DPP10: variants seen among roughly 807,000 people sequenced by gnomAD.
DPP10 encodes inactive dipeptidyl peptidase 10.
In DPP10, 33 loss-of-function variants were observed where a neutral mutation model predicts 120.9. That is an observed-to-expected ratio of 0.27 (90% CI 0.21 to 0.37). The LOEUF is 0.37. Ranked by LOEUF, DPP10 falls within the 10% of genes least tolerant of loss-of-function variation. DPP10 has a pLI of 1.00. For synonymous variants in DPP10, 337 were observed against 326.1 expected, an observed-to-expected ratio of 1.03 and a Z score of -0.36; for missense variants, 816 against 942.8, an observed-to-expected ratio of 0.87 and a Z score of 1.76.
At position 115,741,192 on chromosome 2, in the gene DPP10, T is replaced by A. The variant is rs186286745; in HGVS notation, c.852+1299T>A. ...AATGAGCATATTCCTCAGTGAGATTTCTCATCCATGTTCCTTCCACAGGTT... is the reference window on the plus strand; with the variant it reads ...AATGAGCATATTCCTCAGTGAGATTACTCATCCATGTTCCTTCCACAGGTT... On this transcript the variant is annotated intron_variant, in intron 9 of 25. Coordinates refer to ENST00000410059, the MANE Select transcript of DPP10 (RefSeq NM_020868.6). 1.1e-4 allele frequency among the ~76,000 whole-genome samples: 16 copies of A among 152,232 alleles called. No individual in the cohort carries two copies. In the East Asian group the frequency reaches 1.9e-3, roughly 18 times the overall value.
At chr2:114,950,355 C>T (rs867024123) in intron 1 of DPP10, among the ~76,000 whole-genome samples, 9 of 135,050 alleles carry the variant, frequency 6.7e-5, no homozygotes, top group Non-Finnish European at 9.1e-5. Flanking sequence ...AGTGCAGTGG[C>T]GCGATCTTGG....
At chr2:115,116,994 G>T (rs572673043) in intron 1 of DPP10, among the ~76,000 whole-genome samples, 7 of 152,060 alleles carry the variant, frequency 4.6e-5, no homozygotes, top group South Asian at 2.1e-4. Context: ...TCCATTTGCT[G>T]TATCTTTTTA....
chr2:114,605,918 C>T (rs917995218), intron 1 of DPP10, among the ~76,000 whole-genome samples: 6 of 152,066 alleles, frequency 3.9e-5, no homozygotes, highest in East Asian at 3.9e-4. Context: ...TATTATCTCC[C>T]TCTTATTTGG....
intron 1 of DPP10, among the ~76,000 whole-genome samples, chr2:114,746,188 CCT>C (rs1186516204): frequency 6.6e-6 from 1 of 152,178 alleles, no homozygotes; most frequent in African/African-American, 2.4e-5. Context: ...CTTTTATTCA[CCT>C]CTCTTTCATC....
At chr2:115,394,972 T>C (rs2067575331) in intron 3 of DPP10, among the ~76,000 whole-genome samples, 1 of 152,144 alleles carries the variant, frequency 6.6e-6, no homozygotes, top group Non-Finnish European at 1.5e-5. Context: ...AATAAGTGAG[T>C]TCTCCTAATG....
chr2:115,647,381 T>G (rs1318109460), intron 5 of DPP10, among the ~76,000 whole-genome samples: 2 of 152,160 alleles, frequency 1.3e-5, no homozygotes, highest in Non-Finnish European at 2.9e-5. Flanking sequence ...TACTCATTCA[T>G]TAGCCTTTTT....
intron 5 of DPP10, among the ~76,000 whole-genome samples, chr2:115,553,000 T>TA (rs1044227424): frequency 6.6e-5 from 10 of 152,100 alleles, no homozygotes; most frequent in Admixed American, 5.2e-4. Context: ...CAAAAGAAGA[T>TA]AAGAGAGTGG....
chr2:115,732,838 G>C (rs866917119), intron 8 of DPP10, among the ~76,000 whole-genome samples: 11 of 152,166 alleles, frequency 7.2e-5, no homozygotes, highest in Admixed American at 7.2e-4. Context: ...TCCAACAGCT[G>C]TGGAGCAAAT....
At chr2:114,479,438 G>A (rs996691827) in intron 1 of DPP10, among the ~76,000 whole-genome samples, 3 of 151,292 alleles carry the variant, frequency 2.0e-5, no homozygotes, top group Non-Finnish European at 1.5e-5. Context: ...ATTCAAATAT[G>A]CCAAACTGAT....
At chr2:115,415,396 G>A (rs1171916354) in intron 3 of DPP10, among the ~76,000 whole-genome samples, 1 of 152,114 alleles carries the variant, frequency 6.6e-6, no homozygotes, top group Non-Finnish European at 1.5e-5. Flanking sequence ...ATGCATTCAT[G>A]CCCATGTGCA....
At chr2:115,822,832 C>T (rs758081048) in intron 21 of DPP10, among the ~76,000 whole-genome samples, 13 of 151,680 alleles carry the variant, frequency 8.6e-5, no homozygotes, top group Non-Finnish European at 1.6e-4. Flanking sequence ...TTTCTTGGTG[C>T]CTTTTGGTAT....
chr2:114,674,287 A>T (rs2105658912), intron 1 of DPP10, among the ~76,000 whole-genome samples: 1 of 152,098 alleles, frequency 6.6e-6, no homozygotes, highest in African/African-American at 2.4e-5. Flanking sequence ...TTATAACGTA[A>T]GTATTCTCTA....
intron 1 of DPP10, among the ~76,000 whole-genome samples, chr2:114,790,873 G>T (rs546483345): frequency 1.3e-5 from 2 of 152,214 alleles, no homozygotes; most frequent in Non-Finnish European, 2.9e-5. Flanking sequence ...GGGCGAATAC[G>T]TGCAGGTCAC....
At chr2:114,929,889 A>G (rs546908839) in intron 1 of DPP10, among the ~76,000 whole-genome samples, 3 of 152,348 alleles carry the variant, frequency 2.0e-5, no homozygotes, top group African/African-American at 7.2e-5. Context: ...AGGCATAAGA[A>G]ATTATAAAAA....
At chr2:115,505,588 T>C (rs1353149889) in intron 4 of DPP10, among the ~76,000 whole-genome samples, 1 of 152,174 alleles carries the variant, frequency 6.6e-6, no homozygotes, top group Non-Finnish European at 1.5e-5. Flanking sequence ...AGTCAGTCCA[T>C]CTTGAGCAAG....
chr2:115,437,486 A>G (rs1448389984), intron 3 of DPP10, among the ~76,000 whole-genome samples: 16 of 152,044 alleles, frequency 1.1e-4, no homozygotes. Context: ...GGAACTTGCT[A>G]GAAGTGGTTT....
At chr2:114,950,995 T>C (rs558647079) in intron 1 of DPP10, among the ~76,000 whole-genome samples, 8 of 152,316 alleles carry the variant, frequency 5.3e-5, no homozygotes, top group South Asian at 2.1e-4. Context: ...CAATGAAATC[T>C]AATTGTTATT....
chr2:114,603,890 A>G (rs1692576138), intron 1 of DPP10, among the ~76,000 whole-genome samples: 1 of 152,106 alleles, frequency 6.6e-6, no homozygotes, highest in African/African-American at 2.4e-5. Context: ...AAAGGCTCAC[A>G]GGACTCATCT....
At chr2:114,568,030 AAGAG>A (rs1207557831) in intron 1 of DPP10, among the ~76,000 whole-genome samples, 12 of 148,636 alleles carry the variant, frequency 8.1e-5, no homozygotes, top group East Asian at 4.0e-4. Flanking sequence ...ATTAAAAAAA[AAGAG>A]AGAGAGAGAT....
Sources: allele counts gnomAD v4.1 joint callset (sites outside exome capture counted in the v4.1 genomes callset), GRCh38; gene constraint gnomAD v4.1.1; transcripts MANE v1.5; gene names NCBI Gene and HGNC (gene_info 2026-07-23, HGNC 2026-07-21).